Variants in DIRAS2 observed in about 807,000 individuals in gnomAD.
DIRAS2 encodes the protein DIRAS family GTPase 2, also known as GTP-binding protein Di-Ras2.
In DIRAS2, 5 loss-of-function variants were observed where a neutral mutation model predicts 13.9. The ratio of observed to expected loss-of-function variants is 0.36; its 90% CI spans 0.19 to 0.76. The LOEUF (loss-of-function observed/expected upper bound fraction) is 0.76. Among genes scored for constraint, DIRAS2 ranks in the 30% least tolerant of loss-of-function variants. The pLI is 0.53. For missense variants in DIRAS2, 191 were observed against 263.0 expected (o/e 0.73, Z 1.89); for synonymous variants, 111 against 105.4 (o/e 1.05, Z -0.33).
intron 1 of DIRAS2, among the ~76,000 whole-genome samples, chr9:90,616,515 GC>G (rs1421391653): frequency 7.9e-5 from 12 of 152,180 alleles, no homozygotes; most frequent in African/African-American, 2.4e-4. Flanking sequence ...TGGCATGGAA[GC>G]ATGAATCTGA....
chr9:90,641,075 T>C (rs766765384), intron 1 of DIRAS2, among the ~76,000 whole-genome samples: 2 of 152,148 alleles, frequency 1.3e-5, no homozygotes, highest in African/African-American at 2.4e-5. Context: ...GTGTGGTGTA[T>C]AGGATACGAA....
At chr9:90,631,661 C>T (rs1243449057) in intron 1 of DIRAS2, among the ~76,000 whole-genome samples, 1 of 152,118 alleles carries the variant, frequency 6.6e-6, no homozygotes, top group Non-Finnish European at 1.5e-5. Flanking sequence ...TCCTTCGCTG[C>T]TACTCTACTC....
intron 1 of DIRAS2, among the ~76,000 whole-genome samples, chr9:90,623,936 A>G (rs941333429): frequency 1.3e-5 from 2 of 152,226 alleles, no homozygotes; most frequent in Non-Finnish European, 2.9e-5. Context: ...TTAAGAGTAA[A>G]TGTTTGGAAA....
At chr9:90,632,320 T>C (rs1825332506) in intron 1 of DIRAS2, among the ~76,000 whole-genome samples, 1 of 152,210 alleles carries the variant, frequency 6.6e-6, no homozygotes, top group Non-Finnish European at 1.5e-5. Flanking sequence ...TCCTTGCTCC[T>C]GGACTCACCT....
At chr9:90,623,445 A>T (rs1015602777) in intron 1 of DIRAS2, among the ~76,000 whole-genome samples, 6 of 151,996 alleles carry the variant, frequency 3.9e-5, no homozygotes, top group Non-Finnish European at 1.5e-5. Context: ...TTATACATAG[A>T]CAGCTAGAGG....
chr9:90,637,365 C>G (rs1825380565), intron 1 of DIRAS2, among the ~76,000 whole-genome samples: 1 of 152,138 alleles, frequency 6.6e-6, no homozygotes, highest in Admixed American at 6.5e-5. Flanking sequence ...AAACCTTATA[C>G]TTAAATATTT....
At position 90,613,860 on chromosome 9, in the gene DIRAS2, G is replaced by T. The variant is rs374710687; in HGVS notation, c.-33C>A. 1.3e-6 allele frequency: 2 copies of T among 1,577,316 alleles called. No homozygotes were observed. Among genetic ancestry groups the T allele is most frequent in the East Asian group, 2.2e-5 (1 of 44,470 alleles). Reference sequence around the variant, plus strand: ...GAGAGCTCCAACTCTCAGCCAGGACGCACCTAGCAAAGGAACCAGATGTTT... The same window carrying T: ...GAGAGCTCCAACTCTCAGCCAGGACTCACCTAGCAAAGGAACCAGATGTTT... On this transcript the variant is annotated 5_prime_UTR_variant, in exon 2 of 2. Coordinates refer to ENST00000375765, the MANE Select transcript of DIRAS2 (RefSeq NM_017594.5). This position sits in a 1 kb window ranked among gnomAD's most constrained non-coding sequence, Gnocchi z 5.6.
At chr9:90,614,070 T>C (rs1325339162) in intron 1 of DIRAS2, among the ~76,000 whole-genome samples, 1 of 152,140 alleles carries the variant, frequency 6.6e-6, no homozygotes, top group African/African-American at 2.4e-5. Flanking sequence ...CCCATCTGTT[T>C]CTCTTTATTG....
intron 1 of DIRAS2, among the ~76,000 whole-genome samples, chr9:90,640,574 C>T (rs1367907941): frequency 6.6e-6 from 1 of 152,128 alleles, no homozygotes; most frequent in Non-Finnish European, 1.5e-5. Context: ...AAAATCATAA[C>T]CAAAATCAGT....
chr9:90,623,092 T>C (rs1054341186), intron 1 of DIRAS2, among the ~76,000 whole-genome samples: 6 of 152,212 alleles, frequency 3.9e-5, no homozygotes, highest in African/African-American at 9.6e-5. Context: ...CCATGCTGAA[T>C]TTCAACAAGA....
intron 1 of DIRAS2, among the ~76,000 whole-genome samples, chr9:90,626,722 T>C (rs1307110895): frequency 6.6e-6 from 1 of 152,152 alleles, no homozygotes; most frequent in Non-Finnish European, 1.5e-5. Context: ...AAATCAAAGA[T>C]AGAATTACTG....
chr9:90,623,721 T>C (rs1224578200), intron 1 of DIRAS2, among the ~76,000 whole-genome samples: 3 of 152,146 alleles, frequency 2.0e-5, no homozygotes, highest in African/African-American at 7.2e-5. Flanking sequence ...ATCTGTATTA[T>C]ACCCTAAATT....
intron 1 of DIRAS2, among the ~76,000 whole-genome samples, chr9:90,638,162 T>G (rs1334541723): frequency 6.6e-6 from 1 of 152,244 alleles, no homozygotes; most frequent in African/African-American, 2.4e-5. Context: ...TCGTTTTTTA[T>G]GTTTAAATAT....
chr9:90,617,286 G>T (rs181767273), intron 1 of DIRAS2, among the ~76,000 whole-genome samples: 1 of 152,200 alleles, frequency 6.6e-6, no homozygotes, highest in Non-Finnish European at 1.5e-5. Context: ...TGGGACAAAT[G>T]GGGGAGATAT....
intron 1 of DIRAS2, among the ~76,000 whole-genome samples, chr9:90,617,925 C>T (rs747002334): frequency 6.6e-5 from 10 of 152,048 alleles, no homozygotes; most frequent in Non-Finnish European, 1.2e-4. Context: ...ATTGAATACA[C>T]GAATAAATGG....
In DIRAS2 at chr9:90,612,313, C is replaced by T. The variant is rs1418327441; in HGVS notation, c.*915G>A. The T allele has an allele frequency of 1.4e-4, 22 of 152,200 alleles. No individual in the cohort carries two copies. Among genetic ancestry groups the T allele is most frequent in the Admixed American group, 1.2e-3 (19 of 15,220 alleles). The allele number at this position is 152,200 out of a possible 1,614,324, so 9.4% of individuals were successfully genotyped here. A position where few individuals can be genotyped will look rare whatever the true frequency, so the allele number is the denominator to read the frequency against. Reference sequence around the variant, plus strand: ...GGCTGCTACCCAGCTGGGTACAGATCGAGTTATTTAAGAGAAGAAAACCAC... The same window carrying T: ...GGCTGCTACCCAGCTGGGTACAGATTGAGTTATTTAAGAGAAGAAAACCAC... On this transcript the variant is annotated 3_prime_UTR_variant, in exon 2 of 2. Coordinates refer to ENST00000375765, the MANE Select transcript of DIRAS2 (RefSeq NM_017594.5).
intron 1 of DIRAS2, among the ~76,000 whole-genome samples, chr9:90,624,740 T>C (rs1825252026): frequency 6.6e-6 from 1 of 150,504 alleles, no homozygotes; most frequent in Non-Finnish European, 1.5e-5. Flanking sequence ...TGAGATGGAG[T>C]CTCACTCTGT....
intron 1 of DIRAS2, among the ~76,000 whole-genome samples, chr9:90,625,694 G>C (rs1378379293): frequency 6.6e-6 from 1 of 152,158 alleles, no homozygotes; most frequent in Admixed American, 6.6e-5. Context: ...GCATATGCCA[G>C]CACCACCCAA....
At chr9:90,617,892 A>G (rs1825183898) in intron 1 of DIRAS2, among the ~76,000 whole-genome samples, 2 of 152,230 alleles carry the variant, frequency 1.3e-5, no homozygotes, top group Admixed American at 1.3e-4. Context: ...CATATCTGGA[A>G]ATTACAAACA....
Sources: allele counts gnomAD v4.1 joint callset (sites outside exome capture counted in the v4.1 genomes callset), GRCh38; gene constraint gnomAD v4.1.1; non-coding constraint Gnocchi (gnomAD v3.1); transcripts MANE v1.5; gene names NCBI Gene and HGNC (gene_info 2026-07-23, HGNC 2026-07-21).